Variants in ULK4 observed in about 807,000 individuals in gnomAD.
ULK4 encodes unc-51 like kinase 4, also known as inactive serine/threonine-protein kinase ULK4.
ULK4 carries 133 observed loss-of-function variants against 160.6 expected under a neutral mutation model. The observed-to-expected ratio is 0.83, with a 90% CI of 0.72 to 0.96. ULK4 has a LOEUF of 0.96. Ranked by LOEUF, ULK4 falls within the 40% of genes least tolerant of loss-of-function variation. ULK4 has a pLI of 0.00. For synonymous variants in ULK4, 534 were observed against 539.8 expected, an observed-to-expected ratio of 0.99 and a Z score of 0.15; for missense variants, 1,580 against 1,499.5, an observed-to-expected ratio of 1.05 and a Z score of -0.89.
chr3:41,841,608 C>T (rs902161307), intron 17 of ULK4, among the ~76,000 whole-genome samples: 4 of 152,178 alleles, frequency 2.6e-5, no homozygotes, highest in African/African-American at 4.8e-5. Flanking sequence ...TGCCAGGCCG[C>T]CCCATCTGGG....
At chr3:41,651,030 G>A (rs778321425) in intron 30 of ULK4, among the ~76,000 whole-genome samples, 1 of 152,092 alleles carries the variant, frequency 6.6e-6, no homozygotes, top group East Asian at 1.9e-4. Context: ...TAGAGTTATT[G>A]ATGTTCCCTG....
chr3:41,771,545 CCAA>C (rs1172789858), intron 21 of ULK4, among the ~76,000 whole-genome samples: 1 of 152,106 alleles, frequency 6.6e-6, no homozygotes, highest in Non-Finnish European at 1.5e-5. Flanking sequence ...ACCCTCACTT[CCAA>C]CAACAACAAA....
At chr3:41,384,279 A>G (rs2081745123) in intron 35 of ULK4, among the ~76,000 whole-genome samples, 1 of 152,180 alleles carries the variant, frequency 6.6e-6, no homozygotes, top group Non-Finnish European at 1.5e-5. Context: ...TCCATAAGAC[A>G]AGTGACTCAG....
chr3:41,712,183 T>C (rs1202260826), intron 25 of ULK4, among the ~76,000 whole-genome samples: 1 of 152,218 alleles, frequency 6.6e-6, no homozygotes, highest in Admixed American at 6.5e-5. Context: ...TCCTGAATTT[T>C]TGTACCAAAA....
chr3:41,668,574 A>T (rs2035427289), intron 29 of ULK4, among the ~76,000 whole-genome samples: 1 of 152,162 alleles, frequency 6.6e-6, no homozygotes, highest in Non-Finnish European at 1.5e-5. Context: ...TGTATAAGGT[A>T]AACTCTATGA....
chr3:41,421,161 T>C (rs1575538229), intron 34 of ULK4, among the ~76,000 whole-genome samples: 1 of 152,142 alleles, frequency 6.6e-6, no homozygotes, highest in Admixed American at 6.5e-5. Flanking sequence ...TTAATTTCTG[T>C]GTATTATATA....
At chr3:41,756,558 G>A (rs1347021441) in intron 21 of ULK4, among the ~76,000 whole-genome samples, 1 of 152,096 alleles carries the variant, frequency 6.6e-6, no homozygotes, top group Non-Finnish European at 1.5e-5. Flanking sequence ...TTGAACAAAG[G>A]AAAGCGGCAA....
intron 27 of ULK4, among the ~76,000 whole-genome samples, chr3:41,696,325 A>C (rs1050230997): frequency 1.3e-5 from 2 of 152,144 alleles, no homozygotes; most frequent in African/African-American, 4.8e-5. Context: ...AAAGTACTAA[A>C]AGTTTCTGAT....
intron 33 of ULK4, among the ~76,000 whole-genome samples, 158 bp from the exon 34 acceptor site, chr3:41,455,753 A>G (rs1316755795): frequency 6.6e-6 from 1 of 152,166 alleles, no homozygotes; most frequent in Non-Finnish European, 1.5e-5. Context: ...AAGAGATACT[A>G]TGCTTTGTTA....
chr3:41,800,462 A>T (rs1163300263), intron 19 of ULK4, among the ~76,000 whole-genome samples, 169 bp from the exon 20 acceptor site: 1 of 152,228 alleles, frequency 6.6e-6, no homozygotes, highest in East Asian at 1.9e-4. Flanking sequence ...AAACTATTAC[A>T]AATAATCATT....
chr3:41,318,194 T>C (rs2125727425), intron 35 of ULK4, among the ~76,000 whole-genome samples: 1 of 152,268 alleles, frequency 6.6e-6, no homozygotes, highest in African/African-American at 2.4e-5. Context: ...TCCATGAATG[T>C]TGTGAGAAAT....
intron 31 of ULK4, among the ~76,000 whole-genome samples, chr3:41,575,375 G>T (rs560601404): frequency 6.6e-6 from 1 of 152,086 alleles, no homozygotes; most frequent in African/African-American, 2.4e-5. Flanking sequence ...CAACGTGGTC[G>T]GGGCTTCTAG....
chr3:41,950,302 G>A (rs1038914312), intron 2 of ULK4, among the ~76,000 whole-genome samples: 6 of 151,838 alleles, frequency 4.0e-5, no homozygotes, highest in African/African-American at 1.2e-4. Flanking sequence ...GTGCAGTGGT[G>A]CAATCTTGGC....
chr3:41,958,234 A>G (rs1376266650), intron 1 of ULK4, among the ~76,000 whole-genome samples: 1 of 152,180 alleles, frequency 6.6e-6, no homozygotes, highest in Non-Finnish European at 1.5e-5. Context: ...ATGGATAAGC[A>G]AAATGTAATA....
At chr3:41,868,806 T>C (rs563876954) in intron 17 of ULK4, among the ~76,000 whole-genome samples, 6 of 151,918 alleles carry the variant, frequency 3.9e-5, no homozygotes, top group South Asian at 2.1e-4. Flanking sequence ...AGGTCTTTTT[T>C]TTCCCCCCCA....
intron 21 of ULK4, among the ~76,000 whole-genome samples, chr3:41,760,328 T>C (rs1224422528): frequency 1.3e-5 from 2 of 152,162 alleles, no homozygotes; most frequent in African/African-American, 2.4e-5. Flanking sequence ...GCAGAAATGG[T>C]ACAGGAATCC....
rs556764305 is a variant in ULK4, at chr3:41,447,655, G to A, written c.3492+7842C>T. 8.5e-5 allele frequency among the ~76,000 whole-genome samples: 13 copies of A among 152,246 alleles called. No individual in the cohort carries two copies. In the South Asian group the frequency reaches 2.5e-3, roughly 29 times the overall value. ...GTGGCATCTATTTTGACTGCTCAGA[G>A]GCTTCGTGCTCACCAATGCTGCCGG... On this transcript the variant is annotated intron_variant, in intron 34 of 36. Transcript: ENST00000301831.
At chr3:41,398,734 T>G (rs1391295556) in intron 34 of ULK4, among the ~76,000 whole-genome samples, 1 of 152,034 alleles carries the variant, frequency 6.6e-6, no homozygotes, top group East Asian at 1.9e-4. Flanking sequence ...TGTATGTAGT[T>G]GCTCAAACAA....
At chr3:41,701,985 G>A (rs1425224960) in intron 27 of ULK4, among the ~76,000 whole-genome samples, 2 of 152,044 alleles carry the variant, frequency 1.3e-5, no homozygotes, top group African/African-American at 4.8e-5. Context: ...AAACAAGAAA[G>A]TGGAAGTAGG....
Sources: gnomAD v4.1 joint callset for allele counts (sites outside exome capture counted in the v4.1 genomes callset) on GRCh38, gnomAD v4.1.1 for gene constraint, MANE v1.5 for transcripts, NCBI Gene and HGNC (gene_info 2026-07-23, HGNC 2026-07-21) for gene names.